Variants in PDZD2 observed in about 807,000 individuals in gnomAD.
The protein encoded by PDZD2 is PDZ domain containing 2.
In PDZD2, 90 loss-of-function variants were observed where a neutral mutation model predicts 220.7. That is an observed-to-expected ratio of 0.41 (90% CI 0.34 to 0.49). The LOEUF (loss-of-function observed/expected upper bound fraction) is 0.49. Among genes scored for constraint, PDZD2 ranks in the 20% least tolerant of loss-of-function variants. PDZD2 has a pLI of 0.28. For missense variants in PDZD2, 3,174 were observed against 3,608.5 expected (o/e 0.88, Z 3.08); for synonymous variants, 1,375 against 1,450.5 (o/e 0.95, Z 1.18).
intron 2 of PDZD2, among the ~76,000 whole-genome samples, chr5:31,850,193 T>TGTATATATATAA (rs1561508054): frequency 7.8e-6 from 1 of 128,230 alleles, no homozygotes; most frequent in Non-Finnish European, 1.6e-5. Context: ...TAAGTATATA[T>TGTATATATATAA]GTATATATAA....
chr5:31,885,994 G>C (rs565927213), intron 2 of PDZD2, among the ~76,000 whole-genome samples: 59 of 151,950 alleles, frequency 3.9e-4, no homozygotes, highest in South Asian at 1.2e-3. Context: ...CTGCCTCCCG[G>C]GTTCAAGTGA....
Position 32,089,410 on chromosome 5 carries a change from T to G in PDZD2, c.5962T>G (p.Ser1988Ala). 1 of 1,613,940 alleles carries G rather than the reference T, an allele frequency of 6.2e-7. No individual in the cohort carries two copies. ...SIRTFVSPLTSPKPVPEQGMW... is the reference protein window; with the variant it reads ...SIRTFVSPLTAPKPVPEQGMW... ...CAGGACATTTGTCTCGCCCCTGACC[T>G]CTCCCAAGCCTGTTCCTGAGCAAGG... is the stretch of plus-strand genomic sequence containing the variant. The change falls in exon 20 of 25, where the codon TCT (serine) becomes GCT (alanine). Residue 1988 changes from serine (S) to alanine (A), a missense_variant. Coordinates refer to ENST00000438447, the MANE Select transcript of PDZD2 (RefSeq NM_178140.4).
At chr5:31,651,785 C>T (rs191388657) in intron 1 of PDZD2, among the ~76,000 whole-genome samples, 13 of 152,042 alleles carry the variant, frequency 8.6e-5, no homozygotes, top group Non-Finnish European at 1.5e-4. Context: ...TATGCACCAC[C>T]ATGCCTGGCT....
intron 1 of PDZD2, chr5:31,744,524 T>C (rs1580670112): frequency 6.6e-6 from 1 of 152,260 alleles, no homozygotes; most frequent in South Asian, 2.1e-4. Context: ...TTTGAAAGAA[T>C]TATATAATCT....
chr5:32,063,514 G>A (rs1343813134), intron 14 of PDZD2, among the ~76,000 whole-genome samples: 2 of 152,176 alleles, frequency 1.3e-5, no homozygotes, highest in Non-Finnish European at 2.9e-5. Context: ...GGATGGGTGT[G>A]GAGGTTGTGA....
At chr5:32,069,802 T>C (rs1740589187) in intron 15 of PDZD2, 152 bp downstream of exon 15, 2 of 600,580 alleles carry the variant, frequency 3.3e-6, no homozygotes, top group African/African-American at 3.7e-5. Context: ...TTCTCTTGGC[T>C]GTTAGTTTTG....
intron 2 of PDZD2, among the ~76,000 whole-genome samples, chr5:31,816,392 C>T (rs565296373): frequency 6.6e-6 from 1 of 152,070 alleles, no homozygotes; most frequent in African/African-American, 2.4e-5. Context: ...TTCCCAGTGG[C>T]CTCCCTGGAG....
At chr5:31,767,283 CG>C (rs1752084754) in intron 1 of PDZD2, among the ~76,000 whole-genome samples, 2 of 151,982 alleles carry the variant, frequency 1.3e-5, no homozygotes, top group South Asian at 4.2e-4. Context: ...CCACCCACCT[CG>C]GCCTCCCAAA....
intron 14 of PDZD2, among the ~76,000 whole-genome samples, chr5:32,061,490 A>C (rs1739688628): frequency 6.6e-6 from 1 of 152,214 alleles, no homozygotes; most frequent in Non-Finnish European, 1.5e-5. Context: ...GTCAGTTTCA[A>C]GATAAGAAGG....
chr5:31,912,231 T>A (rs935447995), intron 2 of PDZD2, among the ~76,000 whole-genome samples: 2 of 152,222 alleles, frequency 1.3e-5, no homozygotes, highest in African/African-American at 2.4e-5. Flanking sequence ...GGTGAGGGTC[T>A]GCTTTCTGGT....
intron 2 of PDZD2, among the ~76,000 whole-genome samples, chr5:31,831,673 G>C (rs1364779425): frequency 6.6e-6 from 1 of 151,876 alleles, no homozygotes; most frequent in African/African-American, 2.4e-5. Context: ...GCTTGAACCT[G>C]GGAGGCGGAG....
At chr5:31,961,352 C>T (rs1419364922) in intron 2 of PDZD2, among the ~76,000 whole-genome samples, 1 of 122,110 alleles carries the variant, frequency 8.2e-6, no homozygotes. Flanking sequence ...GGAAACATGG[C>T]GAAACTCCGT....
At position 32,053,774 on chromosome 5, in the gene PDZD2, T is replaced by C. The variant is rs772127318; in HGVS notation, c.1791T>C (p.Leu597=). The C allele has an allele frequency of 6.2e-7, 1 of 1,600,288 alleles. No individual in the cohort carries two copies. Among genetic ancestry groups the C allele is most frequent in the South Asian group, 1.1e-5 (1 of 90,826 alleles). The stretch of plus-strand genomic sequence containing the variant: ...CTCATCTGCTTCGGATCTAGGGCCT[T>C]GGCTTTAGTATTGCTGGAGGTCGAG... ...IGLYKEKGKG[L]GFSIAGGRDC... is the part of the protein sequence containing the mutation. Residue 597 remains leucine (L), a synonymous_variant, in exon 10 of 25, where the codon CTT becomes CTC. Coordinates refer to ENST00000438447, the MANE Select transcript of PDZD2 (RefSeq NM_178140.4).
intron 4 of PDZD2, among the ~76,000 whole-genome samples, chr5:31,999,310 C>G (rs1270283468): frequency 2.1e-5 from 3 of 143,346 alleles, no homozygotes; most frequent in African/African-American, 7.8e-5. Context: ...TGTTTTGATT[C>G]GTCCTTCTGT....
intron 1 of PDZD2, among the ~76,000 whole-genome samples, chr5:31,780,758 C>A (rs116439444): frequency 1.3e-5 from 2 of 152,130 alleles, no homozygotes; most frequent in African/African-American, 4.8e-5. Flanking sequence ...AGTGGTTCCG[C>A]GGTGTCCTCA....
chr5:31,883,457 G>T (rs909505906), intron 2 of PDZD2, among the ~76,000 whole-genome samples: 1 of 151,768 alleles, frequency 6.6e-6, no homozygotes, highest in Non-Finnish European at 1.5e-5. Context: ...CTGACCTCAG[G>T]TAATCTGCCC....
intron 6 of PDZD2, among the ~76,000 whole-genome samples, chr5:32,023,263 G>A (rs925847050): frequency 2.6e-5 from 4 of 151,974 alleles, no homozygotes; most frequent in African/African-American, 7.3e-5. Context: ...ACAGGCCCCC[G>A]GAGCCCAGAG....
At chr5:32,013,322 C>CTT (rs11428109) in intron 6 of PDZD2, among the ~76,000 whole-genome samples, 11,839 of 135,778 alleles carry the variant, frequency 0.087, 725 homozygotes, top group African/African-American at 0.15. Context: ...TCTGTGTTAT[C>CTT]TTTTTTTTTT....
rs78634615 is a variant in PDZD2, at chr5:32,089,063, T to A, written c.5615T>A (p.Leu1872His). 5.7e-5 allele frequency: 92 copies of A among 1,613,930 alleles called. No homozygotes were observed. In the East Asian group the frequency reaches 2.0e-3, roughly 36 times the overall value. Residue 1872 changes from leucine (L) to histidine (H), a missense_variant, in exon 20 of 25, where the codon CTT (leucine) becomes CAT (histidine). This residue lies in a region of PDZD2 where 1,861 missense variants were observed against 2,001.0 expected (regional missense o/e 0.93). Coordinates refer to ENST00000438447, the MANE Select transcript of PDZD2 (RefSeq NM_178140.4). The stretch of plus-strand genomic sequence containing the variant: ...TCTAAGAAGAGTCCGGCAGAAATGC[T>A]TCTGACTAATGGTCAGAAGGCAAAG... ...DLSKKSPAEMLLTNGQKAKCG... is the reference protein window; with the variant it reads ...DLSKKSPAEMHLTNGQKAKCG...
Sources: allele counts gnomAD v4.1 joint callset (sites outside exome capture counted in the v4.1 genomes callset), GRCh38; gene constraint gnomAD v4.1.1; regional missense constraint gnomAD v4.1.1; transcripts MANE v1.5; gene names NCBI Gene and HGNC (gene_info 2026-07-23, HGNC 2026-07-21).